Variants in CTSZ observed in about 807,000 individuals in gnomAD.
CTSZ encodes the protein carboxypeptidase LB.
CTSZ carries 39 observed loss-of-function variants against 32.4 expected under a neutral mutation model. The observed-to-expected ratio is 1.20, with a 90% CI of 0.93 to 1.57. The LOEUF (loss-of-function observed/expected upper bound fraction) is 1.57. Among genes scored for constraint, CTSZ ranks in the 40% most tolerant of loss-of-function variants. The probability of loss-of-function intolerance (pLI) is 0.00; values close to 1 mark genes in which losing one functional copy is unlikely to be tolerated. For missense variants in CTSZ, 397 were observed against 419.6 expected, an observed-to-expected ratio of 0.95 and a Z score of 0.47; for synonymous variants, 168 against 170.1, an observed-to-expected ratio of 0.99 and a Z score of 0.10.
In CTSZ at chr20:59,006,420, T is replaced by C. The variant is rs763960952; in HGVS notation, c.209A>G (p.Asn70Ser). The C allele has an allele frequency of 5.0e-6, 8 of 1,613,900 alleles. No individual in the cohort carries two copies. The Admixed American group carries it at 5.0e-5, about 10-fold the overall frequency. ...ADLPKSWDWR[N>S]VDGVNYASIT... Reference sequence around the variant, plus strand: ...GCTGGCATAGTTGACACCATCCACATTGCGCCAGTCCCAGCTCTTGGGCAG... The same window carrying C: ...GCTGGCATAGTTGACACCATCCACACTGCGCCAGTCCCAGCTCTTGGGCAG... The change falls in exon 2 of 6, where the codon AAT (asparagine) becomes AGT (serine). Residue 70 changes from asparagine to serine, a missense_variant. By Grantham distance (46) the Asn-to-Ser change is conservative. Coordinates refer to ENST00000217131, the MANE Select transcript of CTSZ (RefSeq NM_001336.4).
chr20:59,001,442 TG>T, intron 3 of CTSZ, 22 bp downstream of exon 3: 13 of 1,588,026 alleles, frequency 8.2e-6, no homozygotes, highest in Non-Finnish European at 1.1e-5. Context: ...GAGGGTGGAG[TG>T]GGGGCACGGG....
At chr20:58,999,439 G>C (rs1037547757) in intron 3 of CTSZ, among the ~76,000 whole-genome samples, 1 of 152,180 alleles carries the variant, frequency 6.6e-6, no homozygotes, top group African/African-American at 2.4e-5. Flanking sequence ...CGTGGAGTGG[G>C]CGTGGCCCTG....
chr20:59,000,676 A>T (rs1361320976), intron 3 of CTSZ, among the ~76,000 whole-genome samples: 1 of 152,012 alleles, frequency 6.6e-6, no homozygotes, highest in Non-Finnish European at 1.5e-5. Flanking sequence ...CTCTCCCTCC[A>T]CAAGGCCCCC....
chr20:58,998,249 G>C (rs1167221312), intron 3 of CTSZ, among the ~76,000 whole-genome samples: 1 of 150,384 alleles, frequency 6.6e-6, no homozygotes, highest in Admixed American at 6.8e-5. Context: ...CAAGAATTAG[G>C]CTTAAAAAAT....
In CTSZ at chr20:59,007,016, C is replaced by G. The variant is rs995592260; in HGVS notation, c.113G>C (p.Arg38Pro). The G allele has an allele frequency of 6.8e-7, 1 of 1,472,634 alleles. No individual in the cohort carries two copies. The highest frequency in any genetic ancestry group is 8.9e-7 in the Non-Finnish European group (1 of 1,119,218). The allele number at this position is 1,472,634 out of a possible 1,614,324, so 91.2% of individuals were successfully genotyped here. The change falls in exon 1 of 6, where the codon CGG becomes CCG. Residue 38 changes from arginine to proline, a missense_variant. By Grantham distance (103) the Arg-to-Pro change is moderately radical (BLOSUM62 -2). Transcript: ENST00000217131. The part of the protein sequence containing the change: ...RRGQTCYRPL[R>P]GDGLAPLGRS... Reference sequence around the variant, plus strand: ...CCCCAGCGGAGCCAGCCCGTCCCCCCGCAGAGGCCGGTAGCAGGTCTGTCC... The same window carrying G: ...CCCCAGCGGAGCCAGCCCGTCCCCCGGCAGAGGCCGGTAGCAGGTCTGTCC...
rs1253742578 is a variant in CTSZ, at chr20:59,002,480, C to T, written c.308-836G>A. 6.6e-6 allele frequency among the ~76,000 whole-genome samples: 1 copy of T among 152,136 alleles called. No individual in the cohort carries two copies. Among genetic ancestry groups the T allele is most frequent in the Non-Finnish European group, 1.5e-5 (1 of 68,024 alleles). ...AGTCGGAACTCTTCCTGCAGCCTCA[C>T]CTGTCCCTCCCCCAGGGCACAATGA... On this transcript the variant is annotated intron_variant, in intron 2 of 5. Coordinates refer to ENST00000217131, the MANE Select transcript of CTSZ (RefSeq NM_001336.4). This position sits in a 1 kb window ranked among gnomAD's most constrained non-coding sequence, Gnocchi z 4.1.
chr20:59,003,557 A>G (rs2091898063), intron 2 of CTSZ, among the ~76,000 whole-genome samples: 1 of 152,170 alleles, frequency 6.6e-6, no homozygotes, highest in African/African-American at 2.4e-5. Flanking sequence ...ACATGACCCC[A>G]CAGTTAAGTC....
rs565318439 is a variant in CTSZ, at chr20:59,006,227, A to G, written c.307+95T>C. The stretch of plus-strand genomic sequence containing the variant: ...GCCCAGGCTGACCTGGCCTTGAATC[A>G]CAGGCCCCTGGAACCGCGGGCTGAG... On this transcript the variant is annotated intron_variant, in intron 2 of 5. Coordinates refer to ENST00000217131, the MANE Select transcript of CTSZ (RefSeq NM_001336.4). The G allele has an allele frequency of 4.0e-5, 58 of 1,438,298 alleles. No homozygotes were observed. The African/African-American group carries it at 8.1e-4, about 20-fold the overall frequency. The allele number at this position is 1,438,298 out of a possible 1,614,324, so 89.1% of individuals were successfully genotyped here.
At chr20:59,006,164 G>T in intron 2 of CTSZ, 158 bp downstream of exon 2, 2 of 952,626 alleles carry the variant, frequency 2.1e-6, no homozygotes, top group African/African-American at 1.7e-5. Flanking sequence ...CACCTCAGCA[G>T]AGGGCAAAGG....
In CTSZ at chr20:59,004,405, G is replaced by A. The variant is rs1306700946; in HGVS notation, c.307+1917C>T. On this transcript the variant is annotated intron_variant, in intron 2 of 5. Transcript: ENST00000217131. This position sits in a 1 kb window ranked among gnomAD's most constrained non-coding sequence, Gnocchi z 5.6. ...GGAGAAGGAAGCATCCTGGGGAGAC[G>A]TGATCAGGAGAATGCTTCACGGTGG... Among the ~76,000 whole-genome samples, 2 of 152,096 alleles carry A rather than the reference G, an allele frequency of 1.3e-5. No homozygotes were observed. Among genetic ancestry groups the A allele is most frequent in the Non-Finnish European group, 2.9e-5 (2 of 68,006 alleles).
At chr20:58,996,560 TA>T in intron 5 of CTSZ, 78 bp downstream of exon 5, 1 of 1,493,126 alleles carries the variant, frequency 6.7e-7, no homozygotes. Flanking sequence ...TAGCTAAACG[TA>T]AACAGAACCA....
intron 3 of CTSZ, among the ~76,000 whole-genome samples, chr20:59,000,891 G>A (rs1334930221): frequency 1.3e-4 from 19 of 149,478 alleles, no homozygotes; most frequent in Non-Finnish European, 1.9e-4. Context: ...GTGCAGTGGC[G>A]CGATCTTGGC....
Position 59,001,793 on chromosome 20 carries a change from TG to T in CTSZ, c.308-150del, listed in dbSNP as rs560087477. On this transcript the variant is annotated intron_variant, in intron 2 of 5. Coordinates refer to ENST00000217131, the MANE Select transcript of CTSZ (RefSeq NM_001336.4). Reference sequence around the variant, plus strand: ...GCTGCCTGTGTCTCCTTCTCCCTGCTGACCTCTTCATGGAGGTCTCCGCTCA... The same window carrying T: ...GCTGCCTGTGTCTCCTTCTCCCTGCTACCTCTTCATGGAGGTCTCCGCTCA... 3.7e-4 allele frequency: 283 copies of T among 761,296 alleles called. No individual in the cohort carries two copies. In the African/African-American group the frequency reaches 4.2e-3, roughly 11 times the overall value. 47.2% of individuals were successfully genotyped at this position (761,296 alleles called of 1,614,324 possible).
At chr20:58,996,872 T>TA in intron 4 of CTSZ, 71 bp from the exon 5 acceptor site, 1 of 1,550,326 alleles carries the variant, frequency 6.5e-7, no homozygotes, top group Non-Finnish European at 8.8e-7. Context: ...AATAATCTGA[T>TA]ATGGCTGGGC....
chr20:58,996,591 A>C (rs778597258), intron 5 of CTSZ, 48 bp downstream of exon 5: 1 of 1,593,004 alleles, frequency 6.3e-7, no homozygotes, highest in African/African-American at 1.3e-5. Flanking sequence ...GAGGAGTACC[A>C]GGACGTTTTT....
In CTSZ at chr20:59,007,016, CG is replaced by C; in HGVS notation, c.112del (p.Arg38GlyfsTer165). ...CCCCAGCGGAGCCAGCCCGTCCCCC[CG>C]CAGAGGCCGGTAGCAGGTCTGTCCC... ...RRGQTCYRPL[R>X]GDGLAPLGRS... On this transcript the variant is annotated frameshift_variant, in exon 1 of 6. Coordinates refer to ENST00000217131, the MANE Select transcript of CTSZ (RefSeq NM_001336.4). LOFTEE classifies it high-confidence loss of function. 6.8e-7 allele frequency: 1 copy of C among 1,472,632 alleles called. No homozygotes were observed. The highest frequency in any genetic ancestry group is 8.9e-7 in the Non-Finnish European group (1 of 1,119,216). The allele number at this position is 1,472,632 out of a possible 1,614,324, so 91.2% of individuals were successfully genotyped here. A position where few individuals can be genotyped will look rare whatever the true frequency, so the allele number is the denominator to read the frequency against.
At position 59,007,076 on chromosome 20, in the gene CTSZ, G is replaced by C; in HGVS notation, c.53C>G (p.Ala18Gly). 1 of 1,458,878 alleles carries C rather than the reference G, an allele frequency of 6.9e-7. No individual in the cohort carries two copies. Among genetic ancestry groups the C allele is most frequent in the African/African-American group, 1.5e-5 (1 of 67,600 alleles). 90.4% of individuals were successfully genotyped at this position (1,458,878 alleles called of 1,614,324 possible). A position where few individuals can be genotyped will look rare whatever the true frequency, so the allele number is the denominator to read the frequency against. Residue 18 changes from alanine (A) to glycine (G), a missense_variant, in exon 1 of 6, where the codon GCG becomes GGG. Coordinates refer to ENST00000217131, the MANE Select transcript of CTSZ (RefSeq NM_001336.4). ...GTAGAGGCCGCCCTGCGCCGCGCCCGCCAGCAGCACGAGCAGCAGAAGCGG... is the reference window on the plus strand; with the variant it reads ...GTAGAGGCCGCCCTGCGCCGCGCCCCCCAGCAGCACGAGCAGCAGAAGCGG... Reference protein sequence around the residue: ...WRPLLLLVLLAGAAQGGLYFR... With the variant: ...WRPLLLLVLLGGAAQGGLYFR...
In CTSZ at chr20:58,995,705, C is replaced by T. The variant is rs34069356; in HGVS notation, c.856G>A (p.Ala286Thr). The stretch of plus-strand genomic sequence containing the variant: ...TCCTCGATGGCAAGGTTGTATCTGG[C>T]GCCCTTCCCATCCTTATAGGTGCTG... ...VTSTYKDGKG[A>T]RYNLAIEEHC... is the part of the protein sequence containing the mutation. Residue 286 changes from alanine (A) to threonine (T), a missense_variant, in exon 6 of 6, where the codon GCC becomes ACC. Physicochemically the swap from Ala to Thr is moderately conservative, Grantham distance 58. Coordinates refer to ENST00000217131, the MANE Select transcript of CTSZ (RefSeq NM_001336.4). The T allele has an allele frequency of 8.2e-4, 1,327 of 1,614,180 alleles. 14 individuals are homozygous for T. The African/African-American group carries it at 0.016, about 19-fold the overall frequency.
At chr20:58,998,278 C>T (rs779604382) in intron 3 of CTSZ, among the ~76,000 whole-genome samples, 4 of 152,050 alleles carry the variant, frequency 2.6e-5, no homozygotes, top group Non-Finnish European at 4.4e-5. Context: ...GAGGGCCAGG[C>T]GCCTGTAATC....
Sources: gnomAD v4.1 joint callset for allele counts (sites outside exome capture counted in the v4.1 genomes callset) on GRCh38, gnomAD v4.1.1 for gene constraint, Gnocchi (gnomAD v3.1) non-coding constraint, MANE v1.5 for transcripts, NCBI Gene and HGNC (gene_info 2026-07-23, HGNC 2026-07-21) for gene names.